MCTP1: variants seen among roughly 807,000 people sequenced by gnomAD.
The protein encoded by MCTP1 is multiple C2 and transmembrane domain containing 1.
Under a neutral mutation model 120.6 loss-of-function variants are expected in MCTP1, and 69 were observed. The ratio of observed to expected loss-of-function variants is 0.57; its 90% confidence interval spans 0.47 to 0.70. The LOEUF (loss-of-function observed/expected upper bound fraction) is 0.70, where lower values mean the gene tolerates loss of function less well. MCTP1 is among the 30% of genes least tolerant of loss of function. The probability of loss-of-function intolerance (pLI) is 0.00; values close to 1 mark genes in which losing one functional copy is unlikely to be tolerated. For synonymous variants in MCTP1, 529 were observed against 493.1 expected, an observed-to-expected ratio of 1.07 and a Z score of -0.96; for missense variants, 1,203 against 1,248.8, an observed-to-expected ratio of 0.96 and a Z score of 0.55.
chr5:94,810,491 A>G (rs1416396264), intron 17 of MCTP1, among the ~76,000 whole-genome samples: 1 of 152,172 alleles, frequency 6.6e-6, no homozygotes, highest in Non-Finnish European at 1.5e-5. Flanking sequence ...TCTGTTCTCT[A>G]TACTGTGCCA....
At chr5:94,797,977 A>G (rs1043663172) in intron 18 of MCTP1, among the ~76,000 whole-genome samples, 3 of 152,062 alleles carry the variant, frequency 2.0e-5, no homozygotes, top group African/African-American at 7.2e-5. Context: ...ATTAAGTATT[A>G]TATTCTACTT....
intron 12 of MCTP1, among the ~76,000 whole-genome samples, chr5:94,875,509 A>G (rs1043612787): frequency 1.3e-5 from 2 of 152,058 alleles, no homozygotes; most frequent in South Asian, 4.2e-4. Flanking sequence ...TGATTTGAGG[A>G]GTGACATGCT....
At chr5:95,193,258 A>G (rs1184274865) in intron 1 of MCTP1, among the ~76,000 whole-genome samples, 1 of 152,176 alleles carries the variant, frequency 6.6e-6, no homozygotes, top group East Asian at 1.9e-4. Context: ...TTTCTACTGC[A>G]TGAATCAAAT....
intron 1 of MCTP1, among the ~76,000 whole-genome samples, chr5:95,060,724 C>A (rs979679960): frequency 3.9e-5 from 6 of 152,184 alleles, no homozygotes; most frequent in African/African-American, 1.2e-4. Context: ...GTAATCCCAG[C>A]ACTTTGGGAG....
In MCTP1 at chr5:95,210,703, T is replaced by C. The variant is rs558435472; in HGVS notation, c.720+73153A>G. On this transcript the variant is annotated intron_variant, in intron 1 of 22. Transcript: ENST00000515393. ...AAAGTTAATATTGCTATGTGTGAAT[T>C]TGATCCTGTCATTATGATGTTAGCT... 4.6e-5 allele frequency among the ~76,000 whole-genome samples: 7 copies of C among 152,178 alleles called. 1 individual carries two copies. In the South Asian group the frequency reaches 1.0e-3, roughly 23 times the overall value.
At chr5:94,794,492 C>A (rs989852602) in intron 18 of MCTP1, among the ~76,000 whole-genome samples, 58 of 152,196 alleles carry the variant, frequency 3.8e-4, no homozygotes, top group Non-Finnish European at 2.9e-5. Flanking sequence ...ATGCAAGGCC[C>A]TGGACACTAA....
intron 19 of MCTP1, among the ~76,000 whole-genome samples, chr5:94,761,108 A>C (rs1042184808): frequency 2.0e-5 from 3 of 152,350 alleles, no homozygotes; most frequent in South Asian, 2.1e-4. Context: ...AAAATGCAGA[A>C]ACTGTTACGT....
At chr5:94,968,391 C>A (rs1393502331) in intron 2 of MCTP1, among the ~76,000 whole-genome samples, 2 of 152,096 alleles carry the variant, frequency 1.3e-5, no homozygotes, top group African/African-American at 2.4e-5. Flanking sequence ...TTCTTGAGTG[C>A]ATCTTTTAGG....
At chr5:95,039,719 T>C (rs1275146815) in intron 1 of MCTP1, among the ~76,000 whole-genome samples, 2 of 151,924 alleles carry the variant, frequency 1.3e-5, no homozygotes, top group Non-Finnish European at 2.9e-5. Flanking sequence ...ATAGATAAAA[T>C]GTAAGTCCCA....
intron 1 of MCTP1, among the ~76,000 whole-genome samples, chr5:95,270,623 A>C (rs1759297344): frequency 6.6e-6 from 1 of 152,172 alleles, no homozygotes; most frequent in Admixed American, 6.5e-5. Flanking sequence ...ACCTCACCTA[A>C]TGCAGCTTTA....
intron 2 of MCTP1, among the ~76,000 whole-genome samples, chr5:94,985,908 G>A (rs571481148): frequency 1.9e-4 from 29 of 152,234 alleles, no homozygotes; most frequent in African/African-American, 6.5e-4. Flanking sequence ...GTTCACTTAT[G>A]GTTGGTAGAA....
rs78368331 is a variant in MCTP1 at position 95,263,688 on chromosome 5, G to A, written c.720+20168C>T. Reference sequence around the variant, plus strand: ...ATGAACGACTATCAGAAGTGATGGAGTGGAGGAGAATAAAGAATGTGTATT... The same window carrying A: ...ATGAACGACTATCAGAAGTGATGGAATGGAGGAGAATAAAGAATGTGTATT... On this transcript the variant is annotated intron_variant, in intron 1 of 22. Transcript: ENST00000515393. 6.8e-4 allele frequency among the ~76,000 whole-genome samples: 103 copies of A among 152,298 alleles called. No homozygotes were observed. In the East Asian group the frequency reaches 0.018, roughly 26 times the overall value.
intron 10 of MCTP1, among the ~76,000 whole-genome samples, chr5:94,907,849 A>G (rs1368822092): frequency 6.6e-6 from 1 of 152,122 alleles, no homozygotes; most frequent in Non-Finnish European, 1.5e-5. Context: ...AAATACAGGT[A>G]GCCAGAATAT....
At chr5:94,779,362 G>A (rs1397801835) in intron 18 of MCTP1, among the ~76,000 whole-genome samples, 199 bp from the exon 19 acceptor site, 1 of 152,116 alleles carries the variant, frequency 6.6e-6, no homozygotes, top group East Asian at 1.9e-4. Flanking sequence ...TCCCAGTTAG[G>A]AGAACCGGAT....
rs1758114804 is a variant in MCTP1, at chr5:95,120,165, A to G, written c.721-102681T>C. ...GCACTCCAGCCTGGGCGACAGAGCA[A>G]GACTCCATCTCAAAAAAAAAAAAAA... On this transcript the variant is annotated intron_variant, in intron 1 of 22. Transcript: ENST00000515393. Among the ~76,000 whole-genome samples, 9 of 108,972 alleles carry G rather than the reference A, an allele frequency of 8.3e-5. No individual in the cohort carries two copies. In the Admixed American group the frequency reaches 1.1e-3, roughly 13 times the overall value. The allele number at this position is 108,972 out of a possible 152,430, so 71.5% of individuals were successfully genotyped here. A position where few individuals can be genotyped will look rare whatever the true frequency, so the allele number is the denominator to read the frequency against.
chr5:95,272,165 G>A (rs187937723), intron 1 of MCTP1, among the ~76,000 whole-genome samples: 1 of 152,272 alleles, frequency 6.6e-6, no homozygotes, highest in African/African-American at 2.4e-5. Flanking sequence ...TCCTCTCTGT[G>A]TGTGCATACG....
At chr5:95,194,673 C>G (rs1157394817) in intron 1 of MCTP1, among the ~76,000 whole-genome samples, 1 of 152,126 alleles carries the variant, frequency 6.6e-6, no homozygotes, top group Non-Finnish European at 1.5e-5. Context: ...TCATGACACC[C>G]ACGTGAAAGA....
chr5:95,168,244 C>CATTGGTTT (rs1746702637), intron 1 of MCTP1, among the ~76,000 whole-genome samples: 1 of 152,076 alleles, frequency 6.6e-6, no homozygotes. Flanking sequence ...TGTTCTGTTC[C>CATTGGTTT]ATTGGTTTAT....
chr5:95,258,148 TG>T (rs1303350910), intron 1 of MCTP1, among the ~76,000 whole-genome samples: 1 of 151,922 alleles, frequency 6.6e-6, no homozygotes, highest in Non-Finnish European at 1.5e-5. Flanking sequence ...GAAAATGGGG[TG>T]GGGTGAGGGC....
Sources: gnomAD v4.1 joint callset for allele counts (sites outside exome capture counted in the v4.1 genomes callset) on GRCh38, gnomAD v4.1.1 for gene constraint, MANE v1.5 for transcripts, NCBI Gene and HGNC (gene_info 2026-07-23, HGNC 2026-07-21) for gene names.